Variants in CSMD2 observed in about 807,000 individuals in gnomAD.
CSMD2 encodes the protein CUB and sushi domain-containing protein 2.
CSMD2 carries 130 observed loss-of-function variants against 398.5 expected under a neutral mutation model. The ratio of observed to expected loss-of-function variants is 0.33; its 90% CI spans 0.28 to 0.38. The LOEUF is 0.38. Ranked by LOEUF, CSMD2 falls within the 10% of genes least tolerant of loss-of-function variation. The probability of loss-of-function intolerance (pLI) is 1.00; values close to 1 mark genes in which losing one functional copy is unlikely to be tolerated. For synonymous variants in CSMD2, 1,828 were observed against 1,908.5 expected, an observed-to-expected ratio of 0.96 and a Z score of 1.10; for missense variants, 3,829 against 4,764.9, an observed-to-expected ratio of 0.80 and a Z score of 5.78.
chr1:33,840,767 C>T (rs990207780), intron 6 of CSMD2, among the ~76,000 whole-genome samples: 1 of 152,142 alleles, frequency 6.6e-6, no homozygotes, highest in Admixed American at 6.5e-5. Flanking sequence ...CCCTGGGCTC[C>T]TGAGCCAAGC....
chr1:34,154,327 A>G (rs1388309154), intron 1 of CSMD2, among the ~76,000 whole-genome samples: 1 of 152,224 alleles, frequency 6.6e-6, no homozygotes, highest in Non-Finnish European at 1.5e-5. Flanking sequence ...GGTGCTCTGA[A>G]AAACATCATG....
intron 12 of CSMD2, among the ~76,000 whole-genome samples, chr1:33,785,015 C>T (rs1426904793): frequency 6.6e-6 from 1 of 152,222 alleles, no homozygotes; most frequent in Non-Finnish European, 1.5e-5. Context: ...TGCACAGAAC[C>T]TGACGTAGTC....
intron 5 of CSMD2, among the ~76,000 whole-genome samples, chr1:33,886,888 A>G (rs775907231): frequency 6.6e-6 from 1 of 152,186 alleles, no homozygotes; most frequent in Non-Finnish European, 1.5e-5. Context: ...GCTGAGTGCC[A>G]TCACTAGTTT....
At chr1:33,900,022 C>T (rs371170956) in intron 5 of CSMD2, among the ~76,000 whole-genome samples, 34 of 152,026 alleles carry the variant, frequency 2.2e-4, no homozygotes, top group Non-Finnish European at 7.4e-5. Flanking sequence ...GCTGTCTGCA[C>T]GGAGCATATG....
At chr1:33,629,658 C>T (rs1429477657) in intron 32 of CSMD2, among the ~76,000 whole-genome samples, 1 of 152,134 alleles carries the variant, frequency 6.6e-6, no homozygotes, top group African/African-American at 2.4e-5. Flanking sequence ...TAGTGCACTC[C>T]CATCAGTACC....
At chr1:34,153,163 C>T (rs1009470785) in intron 1 of CSMD2, among the ~76,000 whole-genome samples, 2 of 152,150 alleles carry the variant, frequency 1.3e-5, no homozygotes, top group Non-Finnish European at 2.9e-5. Context: ...ACTACAGGTG[C>T]GCACCAACGT....
At chr1:33,521,439 T>C in intron 68 of CSMD2, 24 bp downstream of exon 68, 2 of 699,408 alleles carry the variant, frequency 2.9e-6, no homozygotes, top group Non-Finnish European at 5.1e-6. Flanking sequence ...GGGCCCACAC[T>C]TCCGGGGGAC....
rs1377983982 is a variant in CSMD2 at position 33,559,471 on chromosome 1, T to C, written c.8383A>G (p.Ile2795Val). ...GGGTTGCCTGGGTGTCCACAGGTAATTGCTGTAACCAAAACAGAAGATAGG... is the reference window on the plus strand; with the variant it reads ...GGGTTGCCTGGGTGTCCACAGGTAACTGCTGTAACCAAAACAGAAGATAGG... ...WSGKTPFCVP[I>V]TCGHPGNPVN... Residue 2795 changes from isoleucine (I) to valine (V), a missense_variant and splice_region_variant, in exon 54 of 71, where the codon ATT (isoleucine) becomes GTT (valine). Ile to Val is a conservative substitution (Grantham distance 29). Transcript: ENST00000373381. The surrounding 1 kb of genome is among the most constrained non-coding windows in gnomAD (Gnocchi z 4.0). 6.5e-7 allele frequency: 1 copy of C among 1,536,092 alleles called. No homozygotes were observed. The highest frequency in any genetic ancestry group is 2.0e-5 in the Admixed American group (1 of 50,998).
At position 33,942,353 on chromosome 1, in the gene CSMD2, TG is replaced by T. The variant is rs1364680687; in HGVS notation, c.518-6400del. Among the ~76,000 whole-genome samples the T allele has an allele frequency of 3.3e-5, 5 of 152,230 alleles. No homozygotes were observed. The East Asian group carries it at 9.6e-4, about 29-fold the overall frequency. Reference sequence around the variant, plus strand: ...CACAAGGAATTCACATGCATTCTCCTGAGGGAGAGGATTTGGGGTGACAACC... The same window carrying T: ...CACAAGGAATTCACATGCATTCTCCTAGGGAGAGGATTTGGGGTGACAACC... On this transcript the variant is annotated intron_variant, in intron 3 of 70. Transcript: ENST00000373381.
intron 19 of CSMD2, among the ~76,000 whole-genome samples, chr1:33,719,017 C>A (rs1646266670): frequency 6.6e-6 from 1 of 152,172 alleles, no homozygotes; most frequent in South Asian, 2.1e-4. Context: ...AAAGATCTCC[C>A]AGTTTAGTGG....
At chr1:33,822,342 T>G (rs1371620556) in intron 7 of CSMD2, among the ~76,000 whole-genome samples, 1 of 151,916 alleles carries the variant, frequency 6.6e-6, no homozygotes, top group Non-Finnish European at 1.5e-5. Flanking sequence ...TTCATAGAAG[T>G]AAGGAAGGTG....
chr1:33,703,267 T>C (rs1410285072), intron 22 of CSMD2, among the ~76,000 whole-genome samples: 1 of 152,234 alleles, frequency 6.6e-6, no homozygotes, highest in Non-Finnish European at 1.5e-5. Flanking sequence ...CTACATTAAA[T>C]GTATAGACGG....
chr1:33,702,270 T>TA (rs910342227), intron 22 of CSMD2, among the ~76,000 whole-genome samples: 4 of 152,154 alleles, frequency 2.6e-5, no homozygotes, highest in Non-Finnish European at 4.4e-5. Flanking sequence ...ACTATAAATT[T>TA]AAAAAATATT....
intron 1 of CSMD2, among the ~76,000 whole-genome samples, chr1:34,116,071 A>G (rs2148456570): frequency 6.6e-6 from 1 of 152,192 alleles, no homozygotes; most frequent in Non-Finnish European, 1.5e-5. Context: ...CACAGAAAAC[A>G]ATAAGAAAAT....
At chr1:33,923,223 G>A (rs754999577) in intron 4 of CSMD2, among the ~76,000 whole-genome samples, 1 of 152,134 alleles carries the variant, frequency 6.6e-6, no homozygotes, top group African/African-American at 2.4e-5. Flanking sequence ...CTGGAGGTGG[G>A]GCCTGGTGGG....
At position 33,850,919 on chromosome 1, in the gene CSMD2, G is replaced by T. The variant is rs1299809390; in HGVS notation, c.921-3923C>A. 3.3e-5 allele frequency among the ~76,000 whole-genome samples: 5 copies of T among 152,222 alleles called. No individual in the cohort carries two copies. The East Asian group carries it at 9.7e-4, about 29-fold the overall frequency. On this transcript the variant is annotated intron_variant, in intron 5 of 70. Transcript: ENST00000373381. ...AGCTCTGAGCCATTCCCTTCATGAA[G>T]AAGAGCTCAGAGCAGATTTTGTGGG...
intron 4 of CSMD2, among the ~76,000 whole-genome samples, chr1:33,932,872 G>A (rs1644357468): frequency 6.6e-6 from 1 of 152,186 alleles, no homozygotes; most frequent in Non-Finnish European, 1.5e-5. Flanking sequence ...CCAGGCTCTT[G>A]TGCCTAAGAA....
intron 13 of CSMD2, among the ~76,000 whole-genome samples, chr1:33,768,146 T>G (rs572570191): frequency 4.1e-4 from 62 of 152,230 alleles, no homozygotes; most frequent in Admixed American, 1.5e-3. Context: ...AACCCATGCC[T>G]TCCCACTGTC....
At chr1:33,683,361 G>A (rs1257790199) in intron 25 of CSMD2, among the ~76,000 whole-genome samples, 1 of 152,104 alleles carries the variant, frequency 6.6e-6, no homozygotes, top group Admixed American at 6.5e-5. Flanking sequence ...TTTTTTTAGG[G>A]AGATGGTTCT....
Sources: allele counts gnomAD v4.1 joint callset (sites outside exome capture counted in the v4.1 genomes callset), GRCh38; gene constraint gnomAD v4.1.1; non-coding constraint Gnocchi (gnomAD v3.1); transcripts MANE v1.5; gene names NCBI Gene and HGNC (gene_info 2026-07-23, HGNC 2026-07-21).